Variants in ANKS1B observed in about 807,000 individuals in gnomAD.
The protein encoded by ANKS1B is ankyrin repeat and sterile alpha motif domain containing 1B.
Under a neutral mutation model 148.3 loss-of-function variants are expected in ANKS1B, and 36 were observed. That is an observed-to-expected ratio of 0.24 (90% CI 0.19 to 0.32). The LOEUF (loss-of-function observed/expected upper bound fraction) is 0.32, where lower values mean the gene tolerates loss of function less well. ANKS1B is among the 10% of genes least tolerant of loss of function. The pLI is 1.00. For synonymous variants in ANKS1B, 542 were observed against 560.8 expected (o/e 0.97, Z 0.47); for missense variants, 1,157 against 1,542.6 (o/e 0.75, Z 4.19).
At chr12:99,434,927 G>T (rs987254554) in intron 11 of ANKS1B, among the ~76,000 whole-genome samples, 11 of 152,078 alleles carry the variant, frequency 7.2e-5, no homozygotes, top group East Asian at 5.8e-4. Context: ...GCTATTACTG[G>T]CAATGTGGGC....
At chr12:98,989,440 T>C (rs1171003311) in intron 17 of ANKS1B, among the ~76,000 whole-genome samples, 1 of 152,202 alleles carries the variant, frequency 6.6e-6, no homozygotes, top group Admixed American at 6.5e-5. Context: ...TTTATTTCTG[T>C]GTACTTTATT....
At chr12:99,685,601 G>C (rs780292138) in intron 8 of ANKS1B, among the ~76,000 whole-genome samples, 5 of 152,042 alleles carry the variant, frequency 3.3e-5, no homozygotes, top group Non-Finnish European at 7.4e-5. Flanking sequence ...TGAAAAAGAA[G>C]TCATTATATG....
At chr12:99,681,787 A>C (rs78237039) in intron 8 of ANKS1B, among the ~76,000 whole-genome samples, 5 of 152,180 alleles carry the variant, frequency 3.3e-5, no homozygotes, top group African/African-American at 9.7e-5. Context: ...AGGACCATTA[A>C]CACCCCCAAA....
intron 14 of ANKS1B, among the ~76,000 whole-genome samples, chr12:99,244,043 CAG>C (rs1162586292): frequency 1.3e-5 from 2 of 150,570 alleles, no homozygotes; most frequent in African/African-American, 4.9e-5. Context: ...TTACAACCAA[CAG>C]AGAGTTTGAA....
At chr12:99,668,311 T>C (rs983964953) in intron 8 of ANKS1B, among the ~76,000 whole-genome samples, 2 of 152,106 alleles carry the variant, frequency 1.3e-5, no homozygotes, top group African/African-American at 4.8e-5. Flanking sequence ...TTCTCCTGGA[T>C]CTTTATTCAT....
intron 8 of ANKS1B, among the ~76,000 whole-genome samples, chr12:99,697,068 C>T (rs1342746560): frequency 6.6e-6 from 1 of 152,138 alleles, no homozygotes; most frequent in African/African-American, 2.4e-5. Flanking sequence ...ACATATAAAA[C>T]ACTGACAACA....
In ANKS1B at chr12:98,829,704, AC is replaced by A. The variant is rs2099279002; in HGVS notation, c.2887-352del. On this transcript the variant is annotated intron_variant, in intron 18 of 26. Coordinates refer to ENST00000683438, the MANE Select transcript of ANKS1B (RefSeq NM_001352186.2). The surrounding 1 kb of genome is among the most constrained non-coding windows in gnomAD (Gnocchi z 5.2). Reference sequence around the variant, plus strand: ...GCCCTCATGTGGGCAGAGCGTCCTCACCATGGTAGATGCCATGATGAGAAAG... The same window carrying A: ...GCCCTCATGTGGGCAGAGCGTCCTCACATGGTAGATGCCATGATGAGAAAG... Among the ~76,000 whole-genome samples the A allele has an allele frequency of 1.3e-5, 2 of 152,178 alleles. No individual in the cohort carries two copies. Among genetic ancestry groups the A allele is most frequent in the Non-Finnish European group, 2.9e-5 (2 of 68,044 alleles).
At chr12:98,948,946 A>ATTTTTTTTTT (rs1567958669) in intron 17 of ANKS1B, among the ~76,000 whole-genome samples, 13 of 89,158 alleles carry the variant, frequency 1.5e-4, no homozygotes, top group African/African-American at 4.9e-4. Context: ...AGCATGAGCT[A>ATTTTTTTTTT]CTTTTTTTTT....
chr12:99,524,423 G>T (rs2096906443), intron 9 of ANKS1B, among the ~76,000 whole-genome samples: 1 of 152,076 alleles, frequency 6.6e-6, no homozygotes, highest in African/African-American at 2.4e-5. Flanking sequence ...GTAAGTCAAG[G>T]ATCTTGCTAT....
At chr12:98,895,401 G>T in intron 17 of ANKS1B, 1 of 761,272 alleles carries the variant, frequency 1.3e-6, no homozygotes, top group Non-Finnish European at 1.6e-6. Flanking sequence ...CAGCGGCAGA[G>T]CAGTGGCAGC....
chr12:98,881,682 G>T (rs890343186), intron 17 of ANKS1B, among the ~76,000 whole-genome samples: 6 of 152,096 alleles, frequency 3.9e-5, no homozygotes, highest in African/African-American at 1.2e-4. Context: ...AAAGGAAATT[G>T]TACCATAATT....
chr12:99,399,845 T>G (rs1056829570), intron 11 of ANKS1B, 34 bp from the exon 12 acceptor site: 1 of 1,606,086 alleles, frequency 6.2e-7, no homozygotes. Flanking sequence ...AGTATTAATA[T>G]GATCATGTTC....
chr12:99,154,917 AT>A (rs1202966260), intron 14 of ANKS1B: 29 of 1,534,924 alleles, frequency 1.9e-5, no homozygotes, highest in Middle Eastern at 1.7e-4. Context: ...GATAAGGCAG[AT>A]TTTTTTTGTC....
At chr12:99,174,786 TA>T (rs1210430558) in intron 14 of ANKS1B, among the ~76,000 whole-genome samples, 1 of 152,128 alleles carries the variant, frequency 6.6e-6, no homozygotes, top group African/African-American at 2.4e-5. Flanking sequence ...TTTACAAATA[TA>T]AAAAAATTAT....
chr12:98,743,318 G>A (rs114237877), downstream of ANKS1B, among the ~76,000 whole-genome samples: 694 of 152,154 alleles, frequency 4.6e-3, 4 homozygotes, highest in African/African-American at 0.016. Flanking sequence ...GAACTAACTA[G>A]GGATAATTTT....
rs116308608 is a variant in ANKS1B at position 99,341,899 on chromosome 12, T to A, written c.1756+57732A>T. ...TTTTAACTACTACAATATTTAATAA[T>A]TACTTCATTACATGACTTCTCCTTA... On this transcript the variant is annotated intron_variant, in intron 12 of 26. Transcript: ENST00000683438. Among the ~76,000 whole-genome samples the A allele has an allele frequency of 2.7e-3, 415 of 152,264 alleles. 5 individuals carry two copies. The highest frequency in any genetic ancestry group is 9.0e-3 in the African/African-American group (374 of 41,578).
At chr12:99,326,629 T>G (rs1265025595) in intron 12 of ANKS1B, among the ~76,000 whole-genome samples, 4 of 152,072 alleles carry the variant, frequency 2.6e-5, no homozygotes, top group Admixed American at 2.0e-4. Context: ...ACTAAATGTC[T>G]GATATTGTTA....
intron 12 of ANKS1B, among the ~76,000 whole-genome samples, chr12:99,345,319 G>T (rs1377563183): frequency 1.3e-5 from 2 of 151,974 alleles, no homozygotes; most frequent in African/African-American, 4.8e-5. Flanking sequence ...AAGAATGAGA[G>T]AAAATGTAGG....
At chr12:99,700,210 G>C (rs1259531351) in intron 8 of ANKS1B, among the ~76,000 whole-genome samples, 6 of 152,096 alleles carry the variant, frequency 3.9e-5, no homozygotes, top group Non-Finnish European at 4.4e-5. Context: ...GGCATCCCTT[G>C]ATCAGGCAGG....
Sources: allele counts gnomAD v4.1 joint callset (sites outside exome capture counted in the v4.1 genomes callset), GRCh38; gene constraint gnomAD v4.1.1; non-coding constraint Gnocchi (gnomAD v3.1); transcripts MANE v1.5; gene names NCBI Gene and HGNC (gene_info 2026-07-23, HGNC 2026-07-21).